The following TTC21B variants were observed in gnomAD, a reference collection of about 807,000 sequenced individuals.
The protein encoded by TTC21B is tetratricopeptide repeat domain 21B.
In TTC21B, 127 loss-of-function variants were observed where a neutral mutation model predicts 175.1. The ratio of observed to expected loss-of-function variants is 0.73; its 90% confidence interval spans 0.63 to 0.84. The LOEUF (loss-of-function observed/expected upper bound fraction) is 0.84, where lower values mean the gene tolerates loss of function less well. TTC21B is among the 40% of genes least tolerant of loss of function. The pLI is 0.00. For synonymous variants in TTC21B, 524 were observed against 524.5 expected, an observed-to-expected ratio of 1.00 and a Z score of 0.01; for missense variants, 1,561 against 1,558.3, an observed-to-expected ratio of 1.00 and a Z score of -0.03.
chr2:165,875,438 G>T (rs527538136), intron 28 of TTC21B, among the ~76,000 whole-genome samples: 12 of 152,124 alleles, frequency 7.9e-5, no homozygotes, highest in African/African-American at 2.6e-4. Context: ...GGGATAAGGG[G>T]CATTACAAAA....
chr2:165,950,017 C>T lies in TTC21B; in HGVS notation c.22-293G>A, dbSNP rs1277486556. ...GCTGCTTTCACCTTTTTTCCTTTGCCCACATTTTCTTGAACGTTTTAGAAA... is the reference window on the plus strand; with the variant it reads ...GCTGCTTTCACCTTTTTTCCTTTGCTCACATTTTCTTGAACGTTTTAGAAA... On this transcript the variant is annotated intron_variant, in intron 1 of 28. Transcript: ENST00000243344. 3.4e-4 allele frequency: 74 copies of T among 217,154 alleles called. 1 individual carries two copies. The highest frequency in any genetic ancestry group is 7.1e-5 in the African/African-American group (3 of 42,302). 13.5% of individuals were successfully genotyped at this position (217,154 alleles called of 1,614,324 possible). A position where few individuals can be genotyped will look rare whatever the true frequency, so the allele number is the denominator to read the frequency against.
At position 165,876,192 on chromosome 2, in the gene TTC21B, A is replaced by G. The variant is rs200855484; in HGVS notation, c.3846T>C (p.Tyr1282=). The G allele has an allele frequency of 2.5e-6, 4 of 1,604,290 alleles. No homozygotes were observed. Among genetic ancestry groups the G allele is most frequent in the East Asian group, 2.2e-5 (1 of 44,720 alleles). ...GGTGACATATGTCAATTGAATCCAC[A>G]TATCTTTTTGCTTTTAAGTAATTAA... ...LAFNYLKAKR[Y]VDSIDICHQV... The change falls in exon 28 of 29, where the codon TAT becomes TAC. Residue 1282 remains tyrosine, a synonymous_variant. Transcript: ENST00000243344.
rs993825534 is a variant in TTC21B at position 165,899,779 on chromosome 2, A to G, written c.2859T>C (p.Ala953=). ...LLLQSDQDNE[A]ATMMMADLMF... is the part of the protein sequence containing the mutation. ...AGTTCCTTGGACTGACCATGGTAGC[A>G]GCTTCGTTATCCTGGTCACTCTGAA... The change falls in exon 21 of 29, where the codon GCT becomes GCC. Residue 953 remains alanine, a synonymous_variant. Transcript: ENST00000243344. 1 of 1,609,806 alleles carries G rather than the reference A, an allele frequency of 6.2e-7. No individual in the cohort carries two copies.
At chr2:165,922,312 A>T (rs910709114) in intron 12 of TTC21B, among the ~76,000 whole-genome samples, 5 of 151,744 alleles carry the variant, frequency 3.3e-5, no homozygotes, top group African/African-American at 4.8e-5. Flanking sequence ...CATCATCTAA[A>T]TTTTTTTTAA....
chr2:165,912,695 T>C (rs1236494736), intron 16 of TTC21B, 71 bp from the exon 17 acceptor site: 2 of 1,064,406 alleles, frequency 1.9e-6, no homozygotes, highest in African/African-American at 3.1e-5. Flanking sequence ...GGGCAACAGT[T>C]CTATAATTAA....
chr2:165,902,559 G>A (rs1685604356), intron 19 of TTC21B, among the ~76,000 whole-genome samples: 1 of 151,874 alleles, frequency 6.6e-6, no homozygotes, highest in South Asian at 2.1e-4. Context: ...AGTCATAACA[G>A]CATTCTTTTG....
chr2:165,941,376 G>C (rs1368364038), intron 5 of TTC21B, among the ~76,000 whole-genome samples, 192 bp from the exon 6 acceptor site: 1 of 152,070 alleles, frequency 6.6e-6, no homozygotes, highest in African/African-American at 2.4e-5. Flanking sequence ...ATAAGCTATT[G>C]TGTTTTAAAA....
intron 9 of TTC21B, 147 bp downstream of exon 9, chr2:165,930,025 A>ATTTTT: frequency 6.8e-6 from 5 of 740,174 alleles, no homozygotes; most frequent in Non-Finnish European, 1.1e-5. Context: ...TAAAAATTTT[A>ATTTTT]AAGACATGAC....
intron 27 of TTC21B, chr2:165,879,774 A>T (rs1684781962): frequency 6.6e-6 from 1 of 152,162 alleles, no homozygotes; most frequent in African/African-American, 2.4e-5. Flanking sequence ...TAAAAAAAAA[A>T]TAATTATTAA....
chr2:165,904,926 G>A (rs889159932), intron 19 of TTC21B, among the ~76,000 whole-genome samples: 1 of 152,100 alleles, frequency 6.6e-6, no homozygotes, highest in Non-Finnish European at 1.5e-5. Context: ...TGCCTCCAGG[G>A]AACTTGGGAA....
chr2:165,898,614 C>T (rs1685449855), intron 22 of TTC21B, 72 bp downstream of exon 22: 1 of 1,032,266 alleles, frequency 9.7e-7, no homozygotes, highest in Non-Finnish European at 1.5e-6. Context: ...GAGGGCATAA[C>T]CACTAAACAG....
intron 15 of TTC21B, among the ~76,000 whole-genome samples, chr2:165,914,503 C>A (rs1356168823): frequency 1.3e-5 from 2 of 152,024 alleles, no homozygotes; most frequent in Admixed American, 6.6e-5. Flanking sequence ...ATCTGAGCAG[C>A]TTTTTGAGTT....
chr2:165,929,441 G>A lies in TTC21B; in HGVS notation c.1186-106C>T, dbSNP rs1051276741. 1.7e-5 allele frequency: 18 copies of A among 1,035,894 alleles called. No individual in the cohort carries two copies. The African/African-American group carries it at 2.9e-4, about 17-fold the overall frequency. 64.2% of individuals were successfully genotyped at this position (1,035,894 alleles called of 1,614,324 possible). On this transcript the variant is annotated intron_variant, in intron 10 of 28. Coordinates refer to ENST00000243344, the MANE Select transcript of TTC21B (RefSeq NM_024753.5). The stretch of plus-strand genomic sequence containing the variant: ...ATGTGCTACTGATATGCAATTATTT[G>A]TTCAAACTCAAGTATTAGCTTGAAT...
chr2:165,911,541 A>G, intron 17 of TTC21B, 76 bp from the exon 18 acceptor site: 1 of 1,550,928 alleles, frequency 6.4e-7, no homozygotes, highest in Admixed American at 1.7e-5. Context: ...AATACATTAC[A>G]GACTTAAAGC....
chr2:165,900,003 A>G (rs1685499596), intron 20 of TTC21B, 123 bp from the exon 21 acceptor site: 1 of 453,902 alleles, frequency 2.2e-6, no homozygotes, highest in African/African-American at 2.2e-5. Flanking sequence ...GCCAAGTATA[A>G]TAGACAAAAA....
intron 12 of TTC21B, among the ~76,000 whole-genome samples, chr2:165,924,251 T>C (rs1481076215): frequency 6.6e-6 from 1 of 152,188 alleles, no homozygotes; most frequent in African/African-American, 2.4e-5. Context: ...CAACCATGGA[T>C]TAATGACTGT....
intron 9 of TTC21B, 50 bp downstream of exon 9, chr2:165,930,122 A>C (rs778008772): frequency 2.6e-6 from 4 of 1,558,470 alleles, no homozygotes; most frequent in Non-Finnish European, 2.6e-6. Context: ...GTTAAAAGCA[A>C]TTGCTACTTG....
At chr2:165,928,893 T>C in intron 11 of TTC21B, 1 of 472,986 alleles carries the variant, frequency 2.1e-6, no homozygotes, top group Non-Finnish European at 3.9e-6. Flanking sequence ...TTAATATTTC[T>C]TTAAACTGAA....
At chr2:165,924,299 C>CT (rs34349837) in intron 12 of TTC21B, among the ~76,000 whole-genome samples, 3 of 151,988 alleles carry the variant, frequency 2.0e-5, no homozygotes, top group Non-Finnish European at 2.9e-5. Context: ...TTCTGACAGA[C>CT]TTTTTTTTAA....
Sources: gnomAD v4.1 joint callset for allele counts (sites outside exome capture counted in the v4.1 genomes callset) on GRCh38, gnomAD v4.1.1 for gene constraint, MANE v1.5 for transcripts, NCBI Gene and HGNC (gene_info 2026-07-23, HGNC 2026-07-21) for gene names.